The following LIPA variants were observed in gnomAD, a reference collection of about 807,000 sequenced individuals.
The protein encoded by LIPA is lipase A, lysosomal acid type.
LIPA carries 26 observed loss-of-function variants against 40.6 expected under a neutral mutation model. That is an observed-to-expected ratio of 0.64 (90% CI 0.47 to 0.89). LIPA has a LOEUF of 0.89. LIPA is among the 40% of genes least tolerant of loss of function. The probability of loss-of-function intolerance (pLI) is 0.00; values close to 1 mark genes in which losing one functional copy is unlikely to be tolerated. For missense variants in LIPA, 455 were observed against 479.6 expected (o/e 0.95, Z 0.48); for synonymous variants, 188 against 168.4 (o/e 1.12, Z -0.90).
chr10:89,384,238 C>A, intron 2 of LIPA: 10 of 1,614,180 alleles, frequency 6.2e-6, no homozygotes, highest in Non-Finnish European at 7.6e-6. Flanking sequence ...TACAAACTGG[C>A]AGCCTAGAGG....
chr10:89,309,208 T>C (rs1414490900), intron 1 of LIPA: 2 of 152,244 alleles, frequency 1.3e-5, no homozygotes, highest in Admixed American at 1.3e-4. Flanking sequence ...TGTTAAATTT[T>C]GTGCTTTCAT....
At chr10:89,232,992 C>CT (rs1234390702) in intron 3 of LIPA, among the ~76,000 whole-genome samples, 1 of 152,230 alleles carries the variant, frequency 6.6e-6, no homozygotes, top group Non-Finnish European at 1.5e-5. Context: ...GGCTGTGCAG[C>CT]TTCTAAGAAC....
intron 2 of LIPA, among the ~76,000 whole-genome samples, chr10:89,354,216 G>C (rs1030497550): frequency 2.6e-5 from 4 of 152,184 alleles, no homozygotes; most frequent in African/African-American, 9.7e-5. Flanking sequence ...AGATCCAAAA[G>C]AATGCAACCT....
chr10:89,287,544 C>T (rs1380649353), intron 1 of LIPA, among the ~76,000 whole-genome samples: 1 of 151,898 alleles, frequency 6.6e-6, no homozygotes, highest in African/African-American at 2.4e-5. Context: ...CAACCCAAAG[C>T]CTCCTTCATG....
At chr10:89,261,664 A>T (rs1314194617) in intron 1 of LIPA, among the ~76,000 whole-genome samples, 1 of 152,246 alleles carries the variant, frequency 6.6e-6, no homozygotes, top group Non-Finnish European at 1.5e-5. Flanking sequence ...TCATTGGCAT[A>T]GGTCAAGTCC....
chr10:89,253,135 G>A (rs1283934448), upstream of LIPA, among the ~76,000 whole-genome samples: 1 of 152,302 alleles, frequency 6.6e-6, no homozygotes, highest in East Asian at 1.9e-4. Context: ...AGAAGCCAGT[G>A]TAATATTTTC....
chr10:89,338,672 A>G, intron 1 of LIPA: 6 of 1,611,866 alleles, frequency 3.7e-6, no homozygotes, highest in Non-Finnish European at 5.1e-6. Flanking sequence ...GAGGTCACCA[A>G]GAATTCCCTG....
intron 1 of LIPA, among the ~76,000 whole-genome samples, chr10:89,260,081 AAT>A (rs1843199876): frequency 6.6e-6 from 1 of 152,222 alleles, no homozygotes; most frequent in African/African-American, 2.4e-5. Flanking sequence ...AAAAAATACT[AAT>A]AGTTACTATT....
chr10:89,220,210 C>T (rs1842680037), intron 8 of LIPA, among the ~76,000 whole-genome samples: 1 of 152,190 alleles, frequency 6.6e-6, no homozygotes, highest in African/African-American at 2.4e-5. Context: ...GCCATTTGTA[C>T]TTTGCTGAGG....
rs1316874610 is a variant in LIPA at position 89,250,110 on chromosome 10, T to TC, written c.-2+1626_-2+1627insG. 4.6e-4 allele frequency among the ~76,000 whole-genome samples: 64 copies of TC among 137,904 alleles called. 3 individuals carry two copies. Among genetic ancestry groups the TC allele is most frequent in the African/African-American group, 1.7e-3 (62 of 35,676 alleles). 90.5% of individuals were successfully genotyped at this position (137,904 alleles called of 152,430 possible). A position where few individuals can be genotyped will look rare whatever the true frequency, so the allele number is the denominator to read the frequency against. Reference sequence around the variant, plus strand: ...TTCTTTTTCTTTTCTTTTCTTTCTTTTTTTTTTTTGAGACAGTCTTGCTCT... The same window carrying TC: ...TTCTTTTTCTTTTCTTTTCTTTCTTTCTTTTTTTTTGAGACAGTCTTGCTCT... On this transcript the variant is annotated intron_variant, in intron 1 of 9. Coordinates refer to ENST00000336233, the MANE Select transcript of LIPA (RefSeq NM_000235.4).
intron 1 of LIPA, chr10:89,332,452 G>A: frequency 1.4e-6 from 2 of 1,461,538 alleles, no homozygotes; most frequent in Non-Finnish European, 1.8e-6. Context: ...TTCCCCTCAA[G>A]AGGGATCTTG....
At chr10:89,412,872 A>C (rs777493873) in exon 2 of LIPA, 1 of 295,638 alleles carries the variant, frequency 3.4e-6, no homozygotes, top group South Asian at 2.6e-5. Context: ...TGTAGCACTC[A>C]CAGCGAGAGT....
Position 89,250,081 on chromosome 10 carries a change from CT to C in LIPA, c.-2+1655del, listed in dbSNP as rs1441973253. On this transcript the variant is annotated intron_variant, in intron 1 of 9. Coordinates refer to ENST00000336233, the MANE Select transcript of LIPA (RefSeq NM_000235.4). ...GAAATTCTTTTCTTTTTTCTTTTTT[CT>C]TTTTCTTTTTCTTTTCTTTTCTTTC... Among the ~76,000 whole-genome samples, 21 of 120,382 alleles carry C rather than the reference CT, an allele frequency of 1.7e-4. 1 individual carries two copies. The highest frequency in any genetic ancestry group is 1.2e-3 in the South Asian group (4 of 3,302). The allele number at this position is 120,382 out of a possible 152,430, so 79.0% of individuals were successfully genotyped here.
chr10:89,247,223 T>A (rs1843036088), intron 2 of LIPA, among the ~76,000 whole-genome samples: 1 of 151,234 alleles, frequency 6.6e-6, no homozygotes, highest in South Asian at 2.1e-4. Flanking sequence ...ACAAAAAAAA[T>A]TAGCCAGGCA....
chr10:89,243,890 T>A (rs1842993032), intron 3 of LIPA, among the ~76,000 whole-genome samples: 1 of 152,230 alleles, frequency 6.6e-6, no homozygotes, highest in African/African-American at 2.4e-5. Flanking sequence ...TGATTCACGT[T>A]ACTAATTAAT....
intron 2 of LIPA, among the ~76,000 whole-genome samples, chr10:89,361,892 T>C: frequency 8.4e-6 from 1 of 118,858 alleles, no homozygotes; most frequent in Non-Finnish European, 1.7e-5. Flanking sequence ...TTTTTTTTTT[T>C]TTTTTTTTTT....
chr10:89,270,432 G>A (rs537356608), intron 1 of LIPA, among the ~76,000 whole-genome samples: 26 of 152,340 alleles, frequency 1.7e-4, no homozygotes, highest in Admixed American at 1.1e-3. Flanking sequence ...CAAGACACAA[G>A]TGGGTGGGAA....
chr10:89,395,199 G>C (rs1844324046), intron 2 of LIPA, among the ~76,000 whole-genome samples: 1 of 133,982 alleles, frequency 7.5e-6, no homozygotes, highest in Non-Finnish European at 1.5e-5. Flanking sequence ...ACCCCACATG[G>C]ACCAGGCAGA....
chr10:89,348,918 T>C lies in LIPA; in HGVS notation c.61+63873A>G, dbSNP rs558187539. ...ATTGGCTAACATAAACTCCCACCTC[T>C]TTCATCCAAATTATACACTGAGCCT... On this transcript the variant is annotated intron_variant, in intron 2 of 8. Transcript: ENST00000371837. Among the ~76,000 whole-genome samples the C allele has an allele frequency of 6.3e-4, 96 of 152,336 alleles. 1 individual carries two copies. Among genetic ancestry groups the C allele is most frequent in the African/African-American group, 2.2e-3 (92 of 41,580 alleles).
Sources: allele counts gnomAD v4.1 joint callset (sites outside exome capture counted in the v4.1 genomes callset), GRCh38; gene constraint gnomAD v4.1.1; transcripts MANE v1.5; gene names NCBI Gene and HGNC (gene_info 2026-07-23, HGNC 2026-07-21).